The following BDKRB2 variants were observed in gnomAD, a reference collection of about 807,000 sequenced individuals.
BDKRB2 encodes B2 bradykinin receptor.
In BDKRB2, 6 loss-of-function variants were observed where a neutral mutation model predicts 4.0. That is an observed-to-expected ratio of 1.49 (90% CI 0.81 to 2.93). BDKRB2 has a LOEUF of 2.93. BDKRB2 is among the 30% of genes most tolerant of loss of function. The pLI, the probability that BDKRB2 is intolerant of heterozygous loss-of-function variation, is 0.00. For synonymous variants in BDKRB2, 225 were observed against 215.3 expected (o/e 1.05, Z -0.40); for missense variants, 478 against 520.1 (o/e 0.92, Z 0.79).
chr14:96,206,604 A>G (rs892139147), intron 1 of BDKRB2, among the ~76,000 whole-genome samples: 1 of 151,766 alleles, frequency 6.6e-6, no homozygotes, highest in Non-Finnish European at 1.5e-5. Flanking sequence ...CAAAAACCGC[A>G]ATGACTTTTG....
intron 1 of BDKRB2, among the ~76,000 whole-genome samples, chr14:96,231,878 A>G (rs904090382): frequency 1.3e-5 from 2 of 152,228 alleles, no homozygotes; most frequent in Non-Finnish European, 2.9e-5. Context: ...CTCAGCTGCC[A>G]CTGAGAGGAG....
At chr14:96,219,584 A>C (rs1005631060) in intron 1 of BDKRB2, among the ~76,000 whole-genome samples, 1 of 151,326 alleles carries the variant, frequency 6.6e-6, no homozygotes, top group Non-Finnish European at 1.5e-5. Flanking sequence ...ACTGTAGCAA[A>C]AAAAAAAAAG....
At chr14:96,225,021 AAG>A (rs139430599) in intron 1 of BDKRB2, among the ~76,000 whole-genome samples, 9,706 of 152,228 alleles carry the variant, frequency 0.064, 440 homozygotes, top group East Asian at 0.19. Context: ...ACACCCAGTG[AAG>A]GGGAACTTGC....
intron 1 of BDKRB2, among the ~76,000 whole-genome samples, chr14:96,216,395 C>G (rs2139772763): frequency 6.6e-6 from 1 of 152,084 alleles, no homozygotes; most frequent in South Asian, 2.1e-4. Context: ...TTTTGGTAGA[C>G]CAAGGTAGGA....
chr14:96,230,378 CT>C (rs1278805857), intron 1 of BDKRB2, among the ~76,000 whole-genome samples: 2 of 152,068 alleles, frequency 1.3e-5, no homozygotes, highest in Admixed American at 6.6e-5. Context: ...TTTAAATGCT[CT>C]TTCATGTAGT....
Position 96,241,479 on chromosome 14 carries a change from A to G in BDKRB2, c.1151A>G (p.Gln384Arg). ...GTGGAACGCCAGATTCACAAACTGC[A>G]GGACTGGGCAGGGAGCAGACAGTGA... ...ISVERQIHKL[Q>R]DWAGSRQ The change falls in exon 3 of 3, where the codon CAG becomes CGG. Residue 384 changes from glutamine to arginine, a missense_variant. Gln to Arg is a conservative substitution (Grantham distance 43). Transcript: ENST00000554311. 3 of 1,558,216 alleles carry G rather than the reference A, an allele frequency of 1.9e-6. No individual in the cohort carries two copies. The highest frequency in any genetic ancestry group is 4.5e-5 in the East Asian group (2 of 44,576).
In BDKRB2 at chr14:96,239,431, T is replaced by C; in HGVS notation, c.75-972T>C. 3 of 985,384 alleles carry C rather than the reference T, an allele frequency of 3.0e-6. No individual in the cohort carries two copies. The East Asian group carries it at 3.4e-4, about 112-fold the overall frequency. The allele number at this position is 985,384 out of a possible 1,614,324, so 61.0% of individuals were successfully genotyped here. A position where few individuals can be genotyped will look rare whatever the true frequency, so the allele number is the denominator to read the frequency against. ...CCCACGCCTCTGCTGAAGGTAGAGA[T>C]GAATTACAGCAACAAGTCTAGAAAG... On this transcript the variant is annotated intron_variant, in intron 2 of 2. Coordinates refer to ENST00000554311, the MANE Select transcript of BDKRB2 (RefSeq NM_001379692.1).
At chr14:96,205,736 C>G (rs950569577) in intron 1 of BDKRB2, among the ~76,000 whole-genome samples, 1 of 152,212 alleles carries the variant, frequency 6.6e-6, no homozygotes, top group Non-Finnish European at 1.5e-5. Flanking sequence ...TAAAGAAGAC[C>G]TGGAAGTTCC....
Position 96,221,026 on chromosome 14 carries a change from G to A in BDKRB2, c.-39-16043G>A, listed in dbSNP as rs1037538873. 2.6e-5 allele frequency among the ~76,000 whole-genome samples: 4 copies of A among 151,946 alleles called. 1 individual carries two copies. Among genetic ancestry groups the A allele is most frequent in the African/African-American group, 4.8e-5 (2 of 41,286 alleles). On this transcript the variant is annotated intron_variant, in intron 1 of 2. Transcript: ENST00000554311. Reference sequence around the variant, plus strand: ...AAGAGAGATAATGCAGTGAGGTGCCGGGGTTCAAATCCCAACTCCACCCAT... The same window carrying A: ...AAGAGAGATAATGCAGTGAGGTGCCAGGGTTCAAATCCCAACTCCACCCAT...
At chr14:96,238,692 CT>C in intron 2 of BDKRB2, 3 of 972,288 alleles carry the variant, frequency 3.1e-6, no homozygotes, top group Non-Finnish European at 3.7e-6. Flanking sequence ...GCTGTTCCCC[CT>C]GCCTGGTCCA....
intron 1 of BDKRB2, among the ~76,000 whole-genome samples, 197 bp downstream of exon 1, chr14:96,205,156 C>G (rs1274502989): frequency 1.3e-5 from 2 of 152,126 alleles, no homozygotes; most frequent in East Asian, 3.9e-4. Flanking sequence ...CAGGAGGAAT[C>G]GCCCTGTTTG....
At chr14:96,209,218 C>CA (rs915540463) in intron 1 of BDKRB2, among the ~76,000 whole-genome samples, 1 of 152,192 alleles carries the variant, frequency 6.6e-6, no homozygotes, top group African/African-American at 2.4e-5. Flanking sequence ...CGGCAAATCT[C>CA]AATCAATCAA....
intron 2 of BDKRB2, chr14:96,239,832 C>A: frequency 6.1e-6 from 6 of 985,436 alleles, no homozygotes; most frequent in Non-Finnish European, 6.0e-6. Context: ...CTGTATCCTC[C>A]AATCATCTTC....
chr14:96,217,564 G>A (rs1890454249), intron 1 of BDKRB2, among the ~76,000 whole-genome samples: 1 of 152,252 alleles, frequency 6.6e-6, no homozygotes, highest in African/African-American at 2.4e-5. Context: ...CCCTGGGCTA[G>A]GCGTCTGGTG....
At chr14:96,225,300 G>A (rs911501453) in intron 1 of BDKRB2, among the ~76,000 whole-genome samples, 3 of 152,100 alleles carry the variant, frequency 2.0e-5, no homozygotes, top group African/African-American at 7.2e-5. Flanking sequence ...CCTGGTCCTG[G>A]GCCTACGACC....
intron 1 of BDKRB2, among the ~76,000 whole-genome samples, chr14:96,210,680 G>A (rs1352725726): frequency 6.6e-6 from 1 of 152,180 alleles, no homozygotes; most frequent in African/African-American, 2.4e-5. Context: ...TAAGGTTGTG[G>A]AGTAACAGCT....
intron 1 of BDKRB2, chr14:96,211,151 C>CA (rs1890292914): frequency 6.6e-6 from 1 of 152,292 alleles, no homozygotes; most frequent in Admixed American, 6.5e-5. Flanking sequence ...CTGTGCCCCG[C>CA]CATCCCTACC....
chr14:96,226,251 C>A (rs979623015), intron 1 of BDKRB2, among the ~76,000 whole-genome samples: 1 of 152,232 alleles, frequency 6.6e-6, no homozygotes, highest in Non-Finnish European at 1.5e-5. Context: ...ACCCCCACTA[C>A]CCCTCTGCCT....
At position 96,244,156 on chromosome 14, in the gene BDKRB2, G is replaced by T; in HGVS notation, c.*2652G>T. 1 of 398,598 alleles carries T rather than the reference G, an allele frequency of 2.5e-6. No individual in the cohort carries two copies. Among genetic ancestry groups the T allele is most frequent in the Non-Finnish European group, 4.4e-6 (1 of 226,058 alleles). The allele number at this position is 398,598 out of a possible 1,614,324, so 24.7% of individuals were successfully genotyped here. On this transcript the variant is annotated 3_prime_UTR_variant, in exon 3 of 3. Transcript: ENST00000554311. ...CTGTAGAGCATAATAAATGGATGAGGTTTTTGCATAGCTCTAGCATTTGTT... is the reference window on the plus strand; with the variant it reads ...CTGTAGAGCATAATAAATGGATGAGTTTTTTGCATAGCTCTAGCATTTGTT...
Sources: allele counts gnomAD v4.1 joint callset (sites outside exome capture counted in the v4.1 genomes callset), GRCh38; gene constraint gnomAD v4.1.1; transcripts MANE v1.5; gene names NCBI Gene and HGNC (gene_info 2026-07-23, HGNC 2026-07-21).